The following ABTB3 variants were observed in gnomAD, a reference collection of about 807,000 sequenced individuals.
ABTB3 encodes ankyrin repeat and BTB domain containing 3.
At chr12:107,396,291 C>T in the ABTB3 span, among the ~76,000 whole-genome samples, 1 of 152,230 alleles carries the variant, frequency 6.6e-6, no homozygotes, top group South Asian at 2.1e-4. Flanking sequence ...TCTGCCCCCA[C>T]CTTCTTCCCT....
the ABTB3 span, among the ~76,000 whole-genome samples, chr12:107,392,948 G>C: frequency 2.8e-4 from 43 of 152,234 alleles, no homozygotes; most frequent in Non-Finnish European, 5.7e-4. Context: ...GCTGAAGGCT[G>C]CAGAAGGTGA....
the ABTB3 span, among the ~76,000 whole-genome samples, chr12:107,409,118 CTG>C: frequency 2.0e-5 from 3 of 152,220 alleles, no homozygotes; most frequent in Admixed American, 6.5e-5. Context: ...TTCTGTCTCT[CTG>C]TGTCTCTGTT....
At chr12:107,557,472 C>T in the ABTB3 span, among the ~76,000 whole-genome samples, 1 of 152,138 alleles carries the variant, frequency 6.6e-6, no homozygotes, top group Non-Finnish European at 1.5e-5. Flanking sequence ...AAACGCAGAA[C>T]CTGCTTCTTA....
the ABTB3 span, among the ~76,000 whole-genome samples, chr12:107,554,459 C>T: frequency 1.3e-5 from 2 of 152,038 alleles, no homozygotes; most frequent in African/African-American, 4.8e-5. Context: ...CCTCAGTCTC[C>T]TTATCTGTAA....
the ABTB3 span, chr12:107,642,114 G>A: frequency 3.1e-6 from 5 of 1,614,028 alleles, no homozygotes; most frequent in Non-Finnish European, 4.2e-6. Context: ...TCTCCAGCAA[G>A]CCGACAAATG....
chr12:107,319,889 C>CCGGCCGCCG, the ABTB3 span: 6 of 1,339,436 alleles, frequency 4.5e-6, no homozygotes, highest in African/African-American at 3.1e-5. Flanking sequence ...TTGCGCCCCG[C>CCGGCCGCCG]CGGCCGCCGC....
At chr12:107,624,827 C>T in the ABTB3 span, among the ~76,000 whole-genome samples, 1 of 152,166 alleles carries the variant, frequency 6.6e-6, no homozygotes, top group African/African-American at 2.4e-5. Flanking sequence ...AATAGATCTT[C>T]ATTTCTCTGG....
chr12:107,558,847 G>T, the ABTB3 span, among the ~76,000 whole-genome samples: 1 of 152,186 alleles, frequency 6.6e-6, no homozygotes, highest in Non-Finnish European at 1.5e-5. Context: ...ATGTTCTGGG[G>T]CTTGCCCAAG....
the ABTB3 span, among the ~76,000 whole-genome samples, chr12:107,592,140 A>G: frequency 2.0e-5 from 3 of 152,202 alleles, no homozygotes; most frequent in Non-Finnish European, 4.4e-5. Context: ...CCCTGTGAAG[A>G]CTTAGCATTG....
At chr12:107,515,237 A>G in the ABTB3 span, among the ~76,000 whole-genome samples, 59,084 of 152,092 alleles carry the variant, frequency 0.39, 12,087 homozygotes, top group African/African-American at 0.5. Flanking sequence ...CAATATGTGA[A>G]GCAACATTTT....
At chr12:107,653,496 G>A in the ABTB3 span, among the ~76,000 whole-genome samples, 962 of 148,072 alleles carry the variant, frequency 6.5e-3, 10 homozygotes, top group African/African-American at 0.022. Flanking sequence ...CAGCCTGGGC[G>A]ACAGAGCAAG....
the ABTB3 span, among the ~76,000 whole-genome samples, chr12:107,358,535 G>A: frequency 1.3e-5 from 2 of 152,154 alleles, no homozygotes; most frequent in Admixed American, 1.3e-4. Context: ...CTCAAACTGT[G>A]GTCCCTAAAC....
the ABTB3 span, among the ~76,000 whole-genome samples, chr12:107,508,230 C>G: frequency 2.1e-4 from 31 of 151,202 alleles, no homozygotes; most frequent in Non-Finnish European, 4.4e-4. Context: ...ATAGGAGATG[C>G]TGAAAAAAAT....
chr12:107,651,989 G>T, the ABTB3 span, among the ~76,000 whole-genome samples: 1 of 152,244 alleles, frequency 6.6e-6, no homozygotes, highest in African/African-American at 2.4e-5. Context: ...GAAAGTAGGA[G>T]CCCAGAAGTT....
At chr12:107,604,763 G>T in the ABTB3 span, among the ~76,000 whole-genome samples, 1 of 152,104 alleles carries the variant, frequency 6.6e-6, no homozygotes, top group Non-Finnish European at 1.5e-5. Flanking sequence ...CCCATCACTG[G>T]CTATATATCC....
At chr12:107,596,641 A>C in the ABTB3 span, among the ~76,000 whole-genome samples, 2 of 152,108 alleles carry the variant, frequency 1.3e-5, no homozygotes, top group Non-Finnish European at 2.9e-5. Flanking sequence ...CAACAACCAA[A>C]AAATAGTCTT....
At chr12:107,353,062 G>A in the ABTB3 span, among the ~76,000 whole-genome samples, 1 of 152,192 alleles carries the variant, frequency 6.6e-6, no homozygotes, top group Non-Finnish European at 1.5e-5. Flanking sequence ...AACTGTAGGA[G>A]ACCCATCAGG....
the ABTB3 span, among the ~76,000 whole-genome samples, chr12:107,655,274 T>C: frequency 0.19 from 28,215 of 151,212 alleles, 3,581 homozygotes; most frequent in East Asian, 0.53. Flanking sequence ...TATATATATA[T>C]ACACCTACAA....
the ABTB3 span, among the ~76,000 whole-genome samples, chr12:107,523,804 A>G: frequency 1.3e-5 from 2 of 152,156 alleles, no homozygotes; most frequent in Non-Finnish European, 2.9e-5. Context: ...ATGGGACTTC[A>G]ATGTTTTCCA....
Sources: gnomAD v4.1 joint callset for allele counts (sites outside exome capture counted in the v4.1 genomes callset) on GRCh38, gnomAD v4.1.1 for gene constraint, MANE v1.5 for transcripts, NCBI Gene and HGNC (gene_info 2026-07-23, HGNC 2026-07-21) for gene names.